IL1RL1: variants seen among roughly 807,000 people sequenced by gnomAD.
The protein encoded by IL1RL1 is interleukin-1 receptor-like 1.
In IL1RL1, 32 loss-of-function variants were observed where a neutral mutation model predicts 50.9. That is an observed-to-expected ratio of 0.63 (90% CI 0.47 to 0.84). IL1RL1 has a LOEUF of 0.84. Ranked by LOEUF, IL1RL1 falls within the 40% of genes least tolerant of loss-of-function variation. The probability of loss-of-function intolerance (pLI) is 0.00; values close to 1 mark genes in which losing one functional copy is unlikely to be tolerated. For missense variants in IL1RL1, 773 were observed against 662.9 expected (o/e 1.17, Z -1.82); for synonymous variants, 275 against 236.0 (o/e 1.17, Z -1.51).
intron 1 of IL1RL1, among the ~76,000 whole-genome samples, chr2:102,312,473 T>C (rs968175172): frequency 1.3e-5 from 2 of 152,134 alleles, no homozygotes; most frequent in South Asian, 2.1e-4. Context: ...GGGAGCTTTA[T>C]AGTATACACA....
intron 8 of IL1RL1, chr2:102,345,436 G>A: frequency 1.0e-6 from 1 of 985,192 alleles, no homozygotes; most frequent in Non-Finnish European, 1.2e-6. Context: ...CTCCTCAGGG[G>A]CTGTACAATC....
intron 3 of IL1RL1, among the ~76,000 whole-genome samples, chr2:102,339,757 T>G (rs552693919): frequency 1.1e-4 from 16 of 152,340 alleles, no homozygotes; most frequent in Admixed American, 3.9e-4. Context: ...TAAGGTAATG[T>G]GTGAAAAGTG....
intron 1 of IL1RL1, among the ~76,000 whole-genome samples, chr2:102,324,492 C>T (rs139050128): frequency 0.016 from 2,364 of 152,228 alleles, 68 homozygotes; most frequent in African/African-American, 0.054. Context: ...TGGGGCGTGT[C>T]GGATAGTGGG....
chr2:102,350,641 T>C lies in IL1RL1; in HGVS notation c.1286-895T>C, dbSNP rs144332000. Among the ~76,000 whole-genome samples, 74 of 151,882 alleles carry C rather than the reference T, an allele frequency of 4.9e-4. No individual in the cohort carries two copies. In the East Asian group the frequency reaches 6.6e-3, roughly 14 times the overall value. On this transcript the variant is annotated intron_variant, in intron 10 of 10. Coordinates refer to ENST00000233954, the MANE Select transcript of IL1RL1 (RefSeq NM_016232.5). The stretch of plus-strand genomic sequence containing the variant: ...CCATCCAGTGGCCCTGGGTGGCTGA[T>C]CATCATGGAATCCATTGCACCCTTG...
chr2:102,329,199 T>A (rs1445376618), intron 1 of IL1RL1, among the ~76,000 whole-genome samples: 4 of 152,192 alleles, frequency 2.6e-5, no homozygotes, highest in Admixed American at 2.6e-4. Context: ...TCTACAAGTA[T>A]CTGATCTTTG....
chr2:102,341,628 C>G (rs1677567962), intron 5 of IL1RL1, among the ~76,000 whole-genome samples: 1 of 152,182 alleles, frequency 6.6e-6, no homozygotes, highest in Non-Finnish European at 1.5e-5. Flanking sequence ...CTATCAGTGC[C>G]TCTTTCTGTT....
intron 5 of IL1RL1, chr2:102,341,444 G>A: frequency 1.5e-6 from 1 of 670,890 alleles, no homozygotes; most frequent in Non-Finnish European, 2.0e-6. Context: ...CACAATCATA[G>A]CTTATCAATC....
At chr2:102,340,926 C>T (rs1559603941) in intron 5 of IL1RL1, 98 bp downstream of exon 5, 1 of 893,170 alleles carries the variant, frequency 1.1e-6, no homozygotes, top group Non-Finnish European at 1.7e-6. Flanking sequence ...CTTCTCCCTC[C>T]TCCCTTTACT....
intron 3 of IL1RL1, chr2:102,339,269 A>T (rs761088234): frequency 1.3e-5 from 6 of 478,596 alleles, no homozygotes; most frequent in Non-Finnish European, 2.2e-5. Flanking sequence ...GCAGGGATTG[A>T]TTTGTAGCTG....
chr2:102,319,724 T>G (rs1676781724), intron 1 of IL1RL1, among the ~76,000 whole-genome samples: 1 of 152,230 alleles, frequency 6.6e-6, no homozygotes, highest in African/African-American at 2.4e-5. Flanking sequence ...GATGTCATTC[T>G]GTCATCCAGG....
Position 102,348,090 on chromosome 2 carries a change from T to C in IL1RL1, c.1116T>C (p.Asn372=), listed in dbSNP as rs1338587424. 6.2e-7 allele frequency: 1 copy of C among 1,607,804 alleles called. No individual in the cohort carries two copies. Among genetic ancestry groups the C allele is most frequent in the East Asian group, 2.2e-5 (1 of 44,806 alleles). The change falls in exon 9 of 11, where the codon AAT becomes AAC. Residue 372 remains asparagine (N), a splice_region_variant and synonymous_variant. Transcript: ENST00000233954. The stretch of plus-strand genomic sequence containing the variant: ...TAGCTAAACCTTACAAGACTAGGAA[T>C]GGTAAGTGGCAAATACCAAGTTTTT... ...RDIAKPYKTR[N]DGKLYDAYVV...
Position 102,333,161 on chromosome 2 carries a change from CA to C in IL1RL1, c.-149-4954del, listed in dbSNP as rs1389970545. 2.6e-5 allele frequency among the ~76,000 whole-genome samples: 4 copies of C among 152,190 alleles called. No homozygotes were observed. In the East Asian group the frequency reaches 7.7e-4, roughly 29 times the overall value. ...CCCCTTGATTTGACCTAGGTTCTAA[CA>C]GAATCTCCAGAGTGTCTGTTTTAGG... On this transcript the variant is annotated intron_variant, in intron 1 of 10. Transcript: ENST00000233954.
At chr2:102,315,882 A>G (rs1323727008) in intron 1 of IL1RL1, among the ~76,000 whole-genome samples, 1 of 152,234 alleles carries the variant, frequency 6.6e-6, no homozygotes, top group Non-Finnish European at 1.5e-5. Flanking sequence ...TGAATTACTT[A>G]AAGTGGGTTT....
chr2:102,346,365 C>G (rs904763475), intron 8 of IL1RL1, among the ~76,000 whole-genome samples: 1 of 152,174 alleles, frequency 6.6e-6, no homozygotes, highest in Non-Finnish European at 1.5e-5. Flanking sequence ...CGAAATACTA[C>G]AGTTATGGAG....
intron 1 of IL1RL1, among the ~76,000 whole-genome samples, chr2:102,328,017 C>T (rs1381409707): frequency 1.3e-5 from 2 of 152,192 alleles, no homozygotes; most frequent in Non-Finnish European, 2.9e-5. Context: ...AGGCCAGCAT[C>T]ATCCTGATAC....
At chr2:102,350,893 G>A (rs1677911839) in intron 10 of IL1RL1, among the ~76,000 whole-genome samples, 1 of 152,204 alleles carries the variant, frequency 6.6e-6, no homozygotes, top group Non-Finnish European at 1.5e-5. Flanking sequence ...CTGTTGCAGT[G>A]AGGACTGGGT....
At chr2:102,346,630 C>A (rs973697730) in intron 8 of IL1RL1, among the ~76,000 whole-genome samples, 1 of 152,134 alleles carries the variant, frequency 6.6e-6, no homozygotes, top group Non-Finnish European at 1.5e-5. Flanking sequence ...GAGAGAGTGA[C>A]CTGGAAAGGA....
chr2:102,317,247 G>A (rs113062490), intron 1 of IL1RL1, among the ~76,000 whole-genome samples: 12 of 152,126 alleles, frequency 7.9e-5, no homozygotes, highest in African/African-American at 2.4e-4. Context: ...CCAGCTACTC[G>A]GGAGGCTGAG....
intron 1 of IL1RL1, among the ~76,000 whole-genome samples, chr2:102,320,139 A>G (rs1300264433): frequency 3.3e-5 from 5 of 152,194 alleles, no homozygotes; most frequent in Admixed American, 2.6e-4. Flanking sequence ...CATGGTGGGG[A>G]AAAAAGCAAA....
Sources: allele counts gnomAD v4.1 joint callset (sites outside exome capture counted in the v4.1 genomes callset), GRCh38; gene constraint gnomAD v4.1.1; transcripts MANE v1.5; gene names NCBI Gene and HGNC (gene_info 2026-07-23, HGNC 2026-07-21).